AMOTL1: variants seen among roughly 807,000 people sequenced by gnomAD.
AMOTL1 encodes the protein angiomotin like 1, also known as angiomotin-like protein 1.
A neutral mutation model predicts 102.9 loss-of-function variants in AMOTL1; 45 were observed. The ratio of observed to expected loss-of-function variants is 0.44; its 90% CI spans 0.34 to 0.56. AMOTL1 has a LOEUF of 0.56. Among genes scored for constraint, AMOTL1 ranks in the 20% least tolerant of loss-of-function variants. The pLI is 0.01. For missense variants in AMOTL1, 1,114 were observed against 1,225.6 expected (o/e 0.91, Z 1.36); for synonymous variants, 481 against 484.7 (o/e 0.99, Z 0.10).
intron 1 of AMOTL1, among the ~76,000 whole-genome samples, chr11:94,713,472 T>A (rs1012762229): frequency 6.6e-6 from 1 of 151,872 alleles, no homozygotes; most frequent in Non-Finnish European, 1.5e-5. Flanking sequence ...TGGGGAGAAA[T>A]GACATTTTTA....
At chr11:94,765,448 C>A (rs374628639), upstream of AMOTL1, among the ~76,000 whole-genome samples, 2 of 152,070 alleles carry the variant, frequency 1.3e-5, no homozygotes, top group African/African-American at 2.4e-5. Flanking sequence ...ACAATAGATT[C>A]AGGAACTAAG....
At chr11:94,851,011 A>T (rs1432679158) in intron 7 of AMOTL1, among the ~76,000 whole-genome samples, 1 of 152,224 alleles carries the variant, frequency 6.6e-6, no homozygotes, top group Non-Finnish European at 1.5e-5. Flanking sequence ...AAACACAAGG[A>T]TAAAGCAGCT....
At chr11:94,766,343 C>T (rs895994567), upstream of AMOTL1, among the ~76,000 whole-genome samples, 2 of 152,166 alleles carry the variant, frequency 1.3e-5, no homozygotes, top group South Asian at 2.1e-4. Flanking sequence ...TCTTCACAAC[C>T]ACTCTGTGAG....
At chr11:94,781,514 A>G (rs915593154) in intron 1 of AMOTL1, among the ~76,000 whole-genome samples, 7 of 152,152 alleles carry the variant, frequency 4.6e-5, no homozygotes, top group African/African-American at 1.7e-4. Context: ...GTGGAACCCT[A>G]TGGGAGGAGG....
chr11:94,716,713 G>A (rs1024729182), intron 1 of AMOTL1, among the ~76,000 whole-genome samples: 1 of 152,090 alleles, frequency 6.6e-6, no homozygotes, highest in African/African-American at 2.4e-5. Context: ...GCCTGAGGAT[G>A]GATTGGCCTA....
rs1952995432 is a variant in AMOTL1, at chr11:94,871,490, T to A, written c.*695T>A. Reference sequence around the variant, plus strand: ...GTTCATCTCTGTCTCTGCTTTACAGTCTTTAATTTTTTGTTGTTCCTTCAT... The same window carrying A: ...GTTCATCTCTGTCTCTGCTTTACAGACTTTAATTTTTTGTTGTTCCTTCAT... On this transcript the variant is annotated 3_prime_UTR_variant, in exon 13 of 13. Coordinates refer to ENST00000433060, the MANE Select transcript of AMOTL1 (RefSeq NM_130847.3). 6.6e-6 allele frequency: 1 copy of A among 152,178 alleles called. No individual in the cohort carries two copies. The highest frequency in any genetic ancestry group is 1.5e-5 in the Non-Finnish European group (1 of 68,024). The allele number at this position is 152,178 out of a possible 1,614,324, so 9.4% of individuals were successfully genotyped here. A position where few individuals can be genotyped will look rare whatever the true frequency, so the allele number is the denominator to read the frequency against.
chr11:94,811,573 G>T (rs1951683704), intron 3 of AMOTL1, among the ~76,000 whole-genome samples: 1 of 151,322 alleles, frequency 6.6e-6, no homozygotes, highest in Admixed American at 6.6e-5. Context: ...TCAGATGTGG[G>T]AATTTAGCCA....
intron 1 of AMOTL1, among the ~76,000 whole-genome samples, chr11:94,726,099 G>T (rs987225236): frequency 6.6e-6 from 1 of 152,168 alleles, no homozygotes; most frequent in East Asian, 1.9e-4. Flanking sequence ...TGATCAGTTG[G>T]ATGTGAGATG....
At chr11:94,758,043 T>C (rs188118251) in intron 3 of AMOTL1, among the ~76,000 whole-genome samples, 1 of 152,268 alleles carries the variant, frequency 6.6e-6, no homozygotes, top group East Asian at 1.9e-4. Context: ...GCCTGGGCAA[T>C]AGAGTGAGAC....
chr11:94,765,035 C>T (rs116382795), upstream of AMOTL1, among the ~76,000 whole-genome samples: 179 of 152,270 alleles, frequency 1.2e-3, 1 homozygote, highest in African/African-American at 4.1e-3. Context: ...ACATTCTTCC[C>T]GCCTCTATGC....
At chr11:94,707,740 C>T (rs1949953891) in intron 1 of AMOTL1, among the ~76,000 whole-genome samples, 1 of 152,130 alleles carries the variant, frequency 6.6e-6, no homozygotes, top group South Asian at 2.1e-4. Flanking sequence ...TGAAAAGTTC[C>T]TGGTGGTAGA....
At position 94,869,221 on chromosome 11, in the gene AMOTL1, C is replaced by T; in HGVS notation, c.2512C>T (p.His838Tyr). The stretch of plus-strand genomic sequence containing the variant: ...AGGATTGCTGCTGGGGAAGGAGCAC[C>T]ATGAGCATGCCTCTGCCCCACTGCT... ...SIGLLLGKEH[H>Y]EHASAPLLPP... Residue 838 changes from histidine to tyrosine, a missense_variant, in exon 12 of 13, where the codon CAT (histidine) becomes TAT (tyrosine). Coordinates refer to ENST00000433060, the MANE Select transcript of AMOTL1 (RefSeq NM_130847.3). 1 of 1,602,898 alleles carries T rather than the reference C, an allele frequency of 6.2e-7. No homozygotes were observed. Among genetic ancestry groups the T allele is most frequent in the Non-Finnish European group, 8.5e-7 (1 of 1,170,864 alleles).
intron 1 of AMOTL1, among the ~76,000 whole-genome samples, chr11:94,772,559 T>G (rs1950968990): frequency 6.6e-6 from 1 of 152,264 alleles, no homozygotes; most frequent in Non-Finnish European, 1.5e-5. Flanking sequence ...ATAGTTTGTT[T>G]CTTTTCATTG....
chr11:94,751,261 A>T (rs1950651010), intron 3 of AMOTL1, among the ~76,000 whole-genome samples: 1 of 152,134 alleles, frequency 6.6e-6, no homozygotes, highest in Middle Eastern at 3.2e-3. Context: ...CCAAATAATG[A>T]TCAATATTAT....
intron 3 of AMOTL1, among the ~76,000 whole-genome samples, chr11:94,808,136 A>G (rs1323089838): frequency 4.2e-5 from 6 of 143,286 alleles, no homozygotes; most frequent in Non-Finnish European, 1.5e-5. Flanking sequence ...TTTCCTCACA[A>G]TTTGCCCACA....
chr11:94,724,397 A>G (rs1445587790), intron 1 of AMOTL1, among the ~76,000 whole-genome samples: 1 of 152,138 alleles, frequency 6.6e-6, no homozygotes, highest in Non-Finnish European at 1.5e-5. Flanking sequence ...GTTTCACAGA[A>G]GCGTTAAAAA....
At chr11:94,869,511 G>A in intron 12 of AMOTL1, 38 bp downstream of exon 12, 1 of 1,546,154 alleles carries the variant, frequency 6.5e-7, no homozygotes, top group Non-Finnish European at 8.7e-7. Flanking sequence ...CCTGAAAACT[G>A]TGGAACTGTC....
At chr11:94,833,146 A>G (rs561482753) in intron 6 of AMOTL1, among the ~76,000 whole-genome samples, 1 of 152,360 alleles carries the variant, frequency 6.6e-6, no homozygotes, top group Admixed American at 6.5e-5. Flanking sequence ...CAAACACAAG[A>G]GACCAGAGGC....
At chr11:94,709,820 G>T (rs1949993486) in intron 1 of AMOTL1, among the ~76,000 whole-genome samples, 2 of 152,056 alleles carry the variant, frequency 1.3e-5, no homozygotes, top group South Asian at 4.2e-4. Flanking sequence ...ATTAGATAAT[G>T]GGAACAAGGT....
Sources: gnomAD v4.1 joint callset for allele counts (sites outside exome capture counted in the v4.1 genomes callset) on GRCh38, gnomAD v4.1.1 for gene constraint, MANE v1.5 for transcripts, NCBI Gene and HGNC (gene_info 2026-07-23, HGNC 2026-07-21) for gene names.